The following APLP2 variants were observed in gnomAD, a reference collection of about 807,000 sequenced individuals.
APLP2 encodes CDEI box-binding protein.
A neutral mutation model predicts 89.9 loss-of-function variants in APLP2; 53 were observed. That is an observed-to-expected ratio of 0.59 (90% CI 0.47 to 0.74). APLP2 has a LOEUF of 0.74. Ranked by LOEUF, APLP2 falls within the 30% of genes least tolerant of loss-of-function variation. The pLI, the probability that APLP2 is intolerant of heterozygous loss-of-function variation, is 0.00. For synonymous variants in APLP2, 372 were observed against 348.6 expected, an observed-to-expected ratio of 1.07 and a Z score of -0.75; for missense variants, 973 against 975.9, an observed-to-expected ratio of 1.00 and a Z score of 0.04.
chr11:130,111,969 T>A (rs1326339112), intron 3 of APLP2, among the ~76,000 whole-genome samples: 1 of 152,210 alleles, frequency 6.6e-6, no homozygotes, highest in African/African-American at 2.4e-5. Flanking sequence ...TTTGTCCTTG[T>A]CACCTTCCAG....
In APLP2 at chr11:130,143,384, A is replaced by G. The variant is rs1426208907; in HGVS notation, c.2192A>G (p.Asn731Ser). 3 of 1,613,840 alleles carry G rather than the reference A, an allele frequency of 1.9e-6. No homozygotes were observed. The highest frequency in any genetic ancestry group is 2.5e-6 in the Non-Finnish European group (3 of 1,179,950). ...PMLTPEERHL[N>S]KMQNHGYENP... is the part of the protein sequence containing the mutation. ...CTCACCCCAGAAGAGCGTCACCTGA[A>G]CAAGATGCAGAACCATGGCTATGAG... The change falls in exon 17 of 17, where the codon AAC becomes AGC. Residue 731 changes from asparagine (N) to serine (S), a missense_variant. Coordinates refer to ENST00000338167, the MANE Select transcript of APLP2 (RefSeq NM_001142276.2).
intron 12 of APLP2, among the ~76,000 whole-genome samples, chr11:130,134,862 A>G (rs1471254963): frequency 6.6e-6 from 1 of 152,094 alleles, no homozygotes; most frequent in Non-Finnish European, 1.5e-5. Flanking sequence ...CAGCTCGGGG[A>G]TGGTGGTACC....
At chr11:130,094,047 ATTTTTTTTT>A (rs138605738) in intron 1 of APLP2, among the ~76,000 whole-genome samples, 1 of 76,384 alleles carries the variant, frequency 1.3e-5, no homozygotes, top group Non-Finnish European at 2.6e-5. Context: ...TCCCGGCCGT[ATTTTTTTTT>A]TTTTTTTTTT....
chr11:130,113,587 A>G (rs1948840068), intron 3 of APLP2, among the ~76,000 whole-genome samples: 1 of 152,120 alleles, frequency 6.6e-6, no homozygotes, highest in African/African-American at 2.4e-5. Flanking sequence ...TAAGGGAGGG[A>G]GTAGGAAAGA....
chr11:130,093,150 C>A (rs569070204), intron 1 of APLP2, among the ~76,000 whole-genome samples: 1 of 152,318 alleles, frequency 6.6e-6, no homozygotes, highest in Non-Finnish European at 1.5e-5. Context: ...AGAGAACTGA[C>A]TGAAGGATTC....
chr11:130,132,559 C>G (rs2136061407), intron 11 of APLP2, among the ~76,000 whole-genome samples: 1 of 151,466 alleles, frequency 6.6e-6, no homozygotes, highest in South Asian at 2.1e-4. Context: ...TCACCTTTCA[C>G]TTCCATCCTG....
chr11:130,128,908 A>T (rs1950640747), intron 9 of APLP2, 140 bp from the exon 10 acceptor site: 1 of 857,508 alleles, frequency 1.2e-6, no homozygotes, highest in African/African-American at 1.7e-5. Flanking sequence ...TAGACTTTGG[A>T]TCTTACCCTT....
At chr11:130,126,657 G>T (rs765322137) in intron 7 of APLP2, 43 bp from the exon 8 acceptor site, 3 of 1,610,372 alleles carry the variant, frequency 1.9e-6, no homozygotes, top group Non-Finnish European at 8.5e-7. Flanking sequence ...AGAGCACAGT[G>T]CATCTGATCC....
intron 1 of APLP2, chr11:130,101,897 C>T (rs1428910006): frequency 8.8e-6 from 4 of 453,538 alleles, no homozygotes; most frequent in Non-Finnish European, 1.8e-5. Context: ...CAGGCGCCTG[C>T]ATTGCATTTA....
chr11:130,124,882 G>C (rs1950199284), intron 7 of APLP2, among the ~76,000 whole-genome samples: 1 of 152,268 alleles, frequency 6.6e-6, no homozygotes, highest in African/African-American at 2.4e-5. Context: ...AGAAATTATT[G>C]TGATACTTAC....
At position 130,130,297 on chromosome 11, in the gene APLP2, C is replaced by T. The variant is rs116421714; in HGVS notation, c.1584+131C>T. On this transcript the variant is annotated intron_variant, in intron 11 of 16. Coordinates refer to ENST00000338167, the MANE Select transcript of APLP2 (RefSeq NM_001142276.2). Reference sequence around the variant, plus strand: ...TCCTTAGAAAATGAGTTTTGATTTCCGAAGACATTCGGTACGTGAACTGGT... The same window carrying T: ...TCCTTAGAAAATGAGTTTTGATTTCTGAAGACATTCGGTACGTGAACTGGT... The T allele has an allele frequency of 1.3e-3, 1,568 of 1,247,680 alleles. 12 individuals carry two copies. In the African/African-American group the frequency reaches 0.021, roughly 16 times the overall value. 77.3% of individuals were successfully genotyped at this position (1,247,680 alleles called of 1,614,324 possible).
intron 1 of APLP2, among the ~76,000 whole-genome samples, chr11:130,107,222 A>T (rs142609222): frequency 2.0e-5 from 3 of 152,364 alleles, no homozygotes; most frequent in Admixed American, 2.0e-4. Flanking sequence ...TTGGAATTTT[A>T]GTAATTCTCC....
chr11:130,082,944 A>G (rs1443694403), intron 1 of APLP2, among the ~76,000 whole-genome samples: 2 of 152,104 alleles, frequency 1.3e-5, no homozygotes, highest in Non-Finnish European at 2.9e-5. Flanking sequence ...TCTAAATTGA[A>G]CAGCCTAAAG....
At chr11:130,140,135 T>C (rs540228911) in intron 13 of APLP2, among the ~76,000 whole-genome samples, 1 of 152,300 alleles carries the variant, frequency 6.6e-6, no homozygotes, top group East Asian at 1.9e-4. Flanking sequence ...CTCTGAAGGC[T>C]TGCATTTCAT....
Position 130,141,531 on chromosome 11 carries a change from A to G in APLP2, c.1957A>G (p.Ile653Val), listed in dbSNP as rs202175881. ...IDETLDVKEM[I>V]FNAERVGGLE... ...CGAGACTCTGGATGTTAAGGAAATGATTTTCAATGCCGAGAGAGTTGGAGG... is the reference window on the plus strand; with the variant it reads ...CGAGACTCTGGATGTTAAGGAAATGGTTTTCAATGCCGAGAGAGTTGGAGG... The change falls in exon 15 of 17, where the codon ATT becomes GTT. Residue 653 changes from isoleucine (I) to valine (V), a missense_variant. Physicochemically the swap from Ile to Val is conservative, Grantham distance 29 (BLOSUM62 3). Coordinates refer to ENST00000338167, the MANE Select transcript of APLP2 (RefSeq NM_001142276.2). This position sits in a 1 kb window ranked among gnomAD's most constrained non-coding sequence, Gnocchi z 4.2. 6.2e-7 allele frequency: 1 copy of G among 1,613,844 alleles called. No homozygotes were observed. The highest frequency in any genetic ancestry group is 8.5e-7 in the Non-Finnish European group (1 of 1,180,022).
At chr11:130,076,555 TCAGTGGC>T (rs1231139882) in intron 1 of APLP2, among the ~76,000 whole-genome samples, 2 of 152,130 alleles carry the variant, frequency 1.3e-5, no homozygotes, top group Non-Finnish European at 2.9e-5. Flanking sequence ...AGATACTCAA[TCAGTGGC>T]CAGTGACCAG....
chr11:130,086,646 T>C (rs1357889746), intron 1 of APLP2, among the ~76,000 whole-genome samples: 1 of 152,224 alleles, frequency 6.6e-6, no homozygotes, highest in Non-Finnish European at 1.5e-5. Flanking sequence ...AAGAGTTTTA[T>C]AGTCTTAGCT....
Position 130,141,939 on chromosome 11 carries a change from G to A in APLP2, c.2019G>A (p.Arg673=). ...EEERESVGPL[R]EDFSLSSSAL... ...CGTAGGAATCCGTGGGCCCACTGCGGGAGGACTTCAGTCTGAGTAGCAGTG... is the reference window on the plus strand; with the variant it reads ...CGTAGGAATCCGTGGGCCCACTGCGAGAGGACTTCAGTCTGAGTAGCAGTG... Residue 673 remains arginine, a synonymous_variant, in exon 16 of 17, where the codon CGG becomes CGA. Coordinates refer to ENST00000338167, the MANE Select transcript of APLP2 (RefSeq NM_001142276.2). The surrounding 1 kb of genome is among the most constrained non-coding windows in gnomAD (Gnocchi z 4.2). 1.2e-6 allele frequency: 2 copies of A among 1,607,828 alleles called. No homozygotes were observed. The highest frequency in any genetic ancestry group is 1.7e-6 in the Non-Finnish European group (2 of 1,174,898).
At chr11:130,134,025 G>A (rs1231224383) in intron 12 of APLP2, among the ~76,000 whole-genome samples, 3 of 152,142 alleles carry the variant, frequency 2.0e-5, no homozygotes, top group East Asian at 1.9e-4. Context: ...TCCTGTTCCC[G>A]TTTTCCTCCT....
Sources: gnomAD v4.1 joint callset for allele counts (sites outside exome capture counted in the v4.1 genomes callset) on GRCh38, gnomAD v4.1.1 for gene constraint, Gnocchi (gnomAD v3.1) non-coding constraint, MANE v1.5 for transcripts, NCBI Gene and HGNC (gene_info 2026-07-23, HGNC 2026-07-21) for gene names.